The following PPP2R2B variants were observed in gnomAD, a reference collection of about 807,000 sequenced individuals.
The protein encoded by PPP2R2B is serine/threonine-protein phosphatase 2A 55 kDa regulatory subunit B beta isoform.
Under a neutral mutation model 46.0 loss-of-function variants are expected in PPP2R2B, and 5 were observed. The observed-to-expected ratio is 0.11, with a 90% CI of 0.06 to 0.23. PPP2R2B has a LOEUF of 0.23. Among genes scored for constraint, PPP2R2B ranks in the 10% least tolerant of loss-of-function variants. PPP2R2B has a pLI of 1.00. For missense variants in PPP2R2B, 367 were observed against 575.0 expected (o/e 0.64, Z 3.70); for synonymous variants, 215 against 206.7 (o/e 1.04, Z -0.34).
rs1424212069 is a variant in PPP2R2B at position 146,613,709 on chromosome 5, GACAA to G, written c.791-13253_791-13250del. Among the ~76,000 whole-genome samples the G allele has an allele frequency of 3.8e-5, 5 of 132,344 alleles. No individual in the cohort carries two copies. In the South Asian group the frequency reaches 7.8e-4, roughly 21 times the overall value. The allele number at this position is 132,344 out of a possible 152,430, so 86.8% of individuals were successfully genotyped here. On this transcript the variant is annotated intron_variant, in intron 7 of 9. Transcript: ENST00000394411. ...CAAGCATTCTTATACACCAACAACAGACAAACAGAGAGCCAAATCATGAGTGAAC... is the reference window on the plus strand; with the variant it reads ...CAAGCATTCTTATACACCAACAACAGACAGAGAGCCAAATCATGAGTGAAC...
At chr5:146,812,823 A>ATATG (rs1757702745) in intron 2 of PPP2R2B, among the ~76,000 whole-genome samples, 1 of 86,852 alleles carries the variant, frequency 1.2e-5, no homozygotes, top group African/African-American at 4.3e-5. Context: ...ATATATATAT[A>ATATG]TATATACACA....
chr5:146,765,477 G>A (rs573978194), intron 2 of PPP2R2B, among the ~76,000 whole-genome samples: 1 of 152,330 alleles, frequency 6.6e-6, no homozygotes, highest in South Asian at 2.1e-4. Context: ...CATGGAAGGA[G>A]CAACATAAAC....
At chr5:146,709,023 T>C (rs1298004577) in intron 2 of PPP2R2B, among the ~76,000 whole-genome samples, 1 of 152,230 alleles carries the variant, frequency 6.6e-6, no homozygotes, top group East Asian at 1.9e-4. Flanking sequence ...GCCACATGCT[T>C]GCTATCCTTG....
chr5:146,807,773 CTTCTTTTTTTTTTTTTTTTTTTTT>C (rs1279744006), intron 2 of PPP2R2B, among the ~76,000 whole-genome samples: 8 of 44,054 alleles, frequency 1.8e-4, no homozygotes, highest in Non-Finnish European at 2.2e-4. Context: ...CCTGGGGTGC[CTTCTTTTTTTTTTTTTTTTTTTTT>C]TTTTTTTTTT....
At chr5:147,008,761 C>T (rs1421268671) in intron 1 of PPP2R2B, among the ~76,000 whole-genome samples, 2 of 152,168 alleles carry the variant, frequency 1.3e-5, no homozygotes, top group East Asian at 3.9e-4. Context: ...TATTCCCACA[C>T]ATCATCTTTG....
intron 7 of PPP2R2B, among the ~76,000 whole-genome samples, chr5:146,602,788 TA>T (rs1241480251): frequency 6.6e-6 from 1 of 152,190 alleles, no homozygotes; most frequent in Admixed American, 6.5e-5. Context: ...AAACATGGCT[TA>T]TTACAGCCTC....
chr5:146,932,300 T>C (rs1763994092), intron 1 of PPP2R2B, among the ~76,000 whole-genome samples: 1 of 152,184 alleles, frequency 6.6e-6, no homozygotes, highest in Non-Finnish European at 1.5e-5. Flanking sequence ...GATATTAAAT[T>C]GATATGGTTT....
intron 2 of PPP2R2B, among the ~76,000 whole-genome samples, chr5:146,849,793 T>C (rs562288008): frequency 3.9e-5 from 6 of 152,306 alleles, no homozygotes; most frequent in African/African-American, 1.4e-4. Context: ...TTTACATTTA[T>C]TAAAATAGAT....
chr5:147,081,088 T>C (rs1757955944), exon 2 of PPP2R2B: 1 of 1,535,626 alleles, frequency 6.5e-7, no homozygotes, highest in Non-Finnish European at 8.7e-7. Flanking sequence ...GATAGTGCCT[T>C]TCACTTGGCT....
intron 1 of PPP2R2B, among the ~76,000 whole-genome samples, chr5:146,980,282 G>T (rs995747874): frequency 2.6e-5 from 4 of 152,178 alleles, no homozygotes; most frequent in Non-Finnish European, 4.4e-5. Context: ...AGGAAATCTT[G>T]TAATTCAGGG....
At chr5:146,828,601 G>C (rs1360039000) in intron 2 of PPP2R2B, among the ~76,000 whole-genome samples, 4 of 152,170 alleles carry the variant, frequency 2.6e-5, no homozygotes, top group Admixed American at 6.5e-5. Context: ...GAGGCCCAAG[G>C]CTGTAGAGAC....
At position 146,812,793 on chromosome 5, in the gene PPP2R2B, G is replaced by GTATA. The variant is rs1201054676; in HGVS notation, c.70+65205_70+65208dup. Among the ~76,000 whole-genome samples the GTATA allele has an allele frequency of 7.7e-3, 93 of 12,098 alleles. 7 individuals are homozygous for GTATA. The highest frequency in any genetic ancestry group is 0.12 in the Middle Eastern group (1 of 8). 7.9% of individuals were successfully genotyped at this position (12,098 alleles called of 152,430 possible). A position where few individuals can be genotyped will look rare whatever the true frequency, so the allele number is the denominator to read the frequency against. On this transcript the variant is annotated intron_variant, in intron 2 of 9. Transcript: ENST00000394411. ...AATGTGTGTGTGTGTGTATATGTGT[G>GTATA]TATATATATATATATATATATATAT...
chr5:146,795,997 C>G (rs993601880), intron 2 of PPP2R2B, among the ~76,000 whole-genome samples: 42 of 152,248 alleles, frequency 2.8e-4, no homozygotes, highest in African/African-American at 9.4e-4. Context: ...ACTATCCCTA[C>G]GTTTTGTCAC....
chr5:146,796,599 C>T (rs1301656732), intron 2 of PPP2R2B, among the ~76,000 whole-genome samples: 1 of 152,136 alleles, frequency 6.6e-6, no homozygotes, highest in Admixed American at 6.6e-5. Flanking sequence ...CCAACAAATA[C>T]CTAGCAGAGG....
chr5:147,016,358 T>G (rs1755004901), intron 1 of PPP2R2B, among the ~76,000 whole-genome samples: 2 of 151,322 alleles, frequency 1.3e-5, no homozygotes, highest in Admixed American at 1.3e-4. Flanking sequence ...TGATAGCAGT[T>G]TTGGGGGGGA....
At chr5:146,795,555 C>T (rs908457743) in intron 2 of PPP2R2B, among the ~76,000 whole-genome samples, 2 of 152,040 alleles carry the variant, frequency 1.3e-5, no homozygotes, top group African/African-American at 4.8e-5. Flanking sequence ...AGCTGTTGGC[C>T]TAATAAATTC....
chr5:147,010,786 C>T (rs1215831698), intron 1 of PPP2R2B, among the ~76,000 whole-genome samples: 3 of 152,020 alleles, frequency 2.0e-5, no homozygotes, highest in Admixed American at 2.0e-4. Flanking sequence ...GATCTAGACT[C>T]CTCTATGTGT....
rs913699329 is a variant in PPP2R2B, at chr5:146,655,024, TGGTCAGTCCTTGGCCCTCTGAGC to T, written c.448-4323_448-4301del. ...GACAAGGGATGTGCTGAGTGAACAG[TGGTCAGTCCTTGGCCCTCTGAGC>T]GGTCAGTCCTTGGCCTGTCTGCAGG... On this transcript the variant is annotated intron_variant, in intron 5 of 9. Transcript: ENST00000394411. Among the ~76,000 whole-genome samples, 8 of 152,172 alleles carry T rather than the reference TGGTCAGTCCTTGGCCCTCTGAGC, an allele frequency of 5.3e-5. No individual in the cohort carries two copies. In the East Asian group the frequency reaches 7.7e-4, roughly 15 times the overall value.
At chr5:146,970,852 G>GT (rs568846928) in intron 1 of PPP2R2B, among the ~76,000 whole-genome samples, 1,497 of 148,986 alleles carry the variant, frequency 0.01, 18 homozygotes, top group African/African-American at 0.032. Context: ...TAAAAGCAAT[G>GT]TTTTTTTTTT....
Sources: gnomAD v4.1 joint callset for allele counts (sites outside exome capture counted in the v4.1 genomes callset) on GRCh38, gnomAD v4.1.1 for gene constraint, MANE v1.5 for transcripts, NCBI Gene and HGNC (gene_info 2026-07-23, HGNC 2026-07-21) for gene names.